GBF1: variants seen among roughly 807,000 people sequenced by gnomAD.
GBF1 encodes the protein Golgi-specific brefeldin A-resistance guanine nucleotide exchange factor 1.
GBF1 carries 114 observed loss-of-function variants against 210.5 expected under a neutral mutation model. The observed-to-expected ratio is 0.54, with a 90% CI of 0.47 to 0.63. GBF1 has a LOEUF of 0.63. Among genes scored for constraint, GBF1 ranks in the 30% least tolerant of loss-of-function variants. The pLI, the probability that GBF1 is intolerant of heterozygous loss-of-function variation, is 0.00. For missense variants in GBF1, 1,851 were observed against 2,357.7 expected, an observed-to-expected ratio of 0.79 and a Z score of 4.45; for synonymous variants, 850 against 889.2, an observed-to-expected ratio of 0.96 and a Z score of 0.78.
At chr10:102,358,337 C>G (rs2059407067) in intron 9 of GBF1, 151 bp downstream of exon 9, 2 of 845,410 alleles carry the variant, frequency 2.4e-6, no homozygotes, top group Non-Finnish European at 3.8e-6. Flanking sequence ...AGAGTGTGAC[C>G]ATTCAGCAAC....
chr10:102,290,799 C>T (rs2076371899), intron 3 of GBF1, among the ~76,000 whole-genome samples: 1 of 152,214 alleles, frequency 6.6e-6, no homozygotes, highest in Admixed American at 6.5e-5. Context: ...GCCACCACAC[C>T]CAGCCTGCTT....
Position 102,382,442 on chromosome 10 carries a change from C to T in GBF1, c.*106C>T, listed in dbSNP as rs1220456706. The T allele has an allele frequency of 1.9e-5, 18 of 948,988 alleles. No individual in the cohort carries two copies. The highest frequency in any genetic ancestry group is 2.7e-5 in the Non-Finnish European group (17 of 637,088). 58.8% of individuals were successfully genotyped at this position (948,988 alleles called of 1,614,324 possible). A position where few individuals can be genotyped will look rare whatever the true frequency, so the allele number is the denominator to read the frequency against. ...AGCTCTTCAGGCCAAGTCAGAGCTG[C>T]TGTTGCTGCCACTTGGATGGGGACC... On this transcript the variant is annotated 3_prime_UTR_variant, in exon 40 of 40. Coordinates refer to ENST00000369983, the MANE Select transcript of GBF1 (RefSeq NM_001377137.1).
Position 102,382,217 on chromosome 10 carries a change from GT to G in GBF1, c.5465del (p.Val1822GlyfsTer4). 1 of 1,613,850 alleles carries G rather than the reference GT, an allele frequency of 6.2e-7. No individual in the cohort carries two copies. Among genetic ancestry groups the G allele is most frequent in the Non-Finnish European group, 8.5e-7 (1 of 1,179,782 alleles). The part of the protein sequence containing the change: ...QPLASPLQVG[V>X]PPMTLPIILN... ...CTTGGCCTCCCCACTGCAGGTGGGC[GT>G]GCCACCTATGACTCTGCCCATCATC... On this transcript the variant is annotated frameshift_variant, in exon 40 of 40. Coordinates refer to ENST00000369983, the MANE Select transcript of GBF1 (RefSeq NM_001377137.1). LOFTEE classifies it high-confidence loss of function.
At chr10:102,368,531 C>A in intron 22 of GBF1, 77 bp downstream of exon 22, 1 of 933,484 alleles carries the variant, frequency 1.1e-6, no homozygotes, top group Non-Finnish European at 1.7e-6. Flanking sequence ...GCCTCTCTGA[C>A]TCCTACTGTT....
chr10:102,278,804 C>G (rs1055312565), intron 3 of GBF1, among the ~76,000 whole-genome samples: 3 of 152,110 alleles, frequency 2.0e-5, no homozygotes, highest in Non-Finnish European at 2.9e-5. Context: ...GTAATATATA[C>G]CACTACTGAT....
At position 102,297,889 on chromosome 10, in the gene GBF1, G is replaced by A. The variant is rs1016007600; in HGVS notation, c.163+37773G>A. On this transcript the variant is annotated intron_variant, in intron 3 of 39. Transcript: ENST00000369983. ...CAAATACCACTTTGAAATTGATGCA[G>A]GTACCTGGAATGAAAGAGTTGAAAC... 4.1e-4 allele frequency among the ~76,000 whole-genome samples: 63 copies of A among 152,052 alleles called. 1 individual carries two copies. The highest frequency in any genetic ancestry group is 1.5e-3 in the African/African-American group (62 of 41,404).
At position 102,379,947 on chromosome 10, in the gene GBF1, T is replaced by C. The variant is rs369050005; in HGVS notation, c.4871T>C (p.Leu1624Pro). Reference sequence around the variant, plus strand: ...ACCCGGATGAGGGCTTCCACATTGCTCTCTAAGGTACTGCTCACCACCCTA... The same window carrying C: ...ACCCGGATGAGGGCTTCCACATTGCCCTCTAAGGTACTGCTCACCACCCTA... ...EETRMRASTL[L>P]SKVFLQHLSP... Residue 1624 changes from leucine to proline, a missense_variant, in exon 36 of 40, where the codon CTC becomes CCC. Physicochemically the swap from Leu to Pro is moderately conservative, Grantham distance 98 (BLOSUM62 -3). This residue lies in a region of GBF1 where 967 missense variants were observed against 1,247.7 expected (regional missense o/e 0.78). Coordinates refer to ENST00000369983, the MANE Select transcript of GBF1 (RefSeq NM_001377137.1). The C allele has an allele frequency of 6.2e-7, 1 of 1,601,216 alleles. No individual in the cohort carries two copies. Among genetic ancestry groups the C allele is most frequent in the Non-Finnish European group, 8.6e-7 (1 of 1,169,244 alleles).
the GBF1 span, among the ~76,000 whole-genome samples, chr10:102,234,445 G>A: frequency 6.6e-6 from 1 of 152,216 alleles, no homozygotes; most frequent in Non-Finnish European, 1.5e-5. Flanking sequence ...AGAACTGGAG[G>A]TGTGCTCAGC....
intron 4 of GBF1, among the ~76,000 whole-genome samples, 173 bp downstream of exon 4, chr10:102,344,355 C>T (rs1268290318): frequency 2.0e-5 from 3 of 152,130 alleles, no homozygotes; most frequent in South Asian, 2.1e-4. Context: ...AGCTGACTCA[C>T]GTTGTACAGG....
rs1302527960 is a variant in GBF1, at chr10:102,381,198, A to G, written c.5245A>G (p.Thr1749Ala). Residue 1749 changes from threonine to alanine, a missense_variant, in exon 39 of 40, where the codon ACT becomes GCT. By Grantham distance (58) the Thr-to-Ala change is moderately conservative. Around this residue, in one of 3 missense-constraint regions of GBF1, gnomAD observed 967 missense variants for 1,247.7 expected, o/e 0.78. Transcript: ENST00000369983. ...SAHLTSAAGDTRTPGHPPPPE... is the reference protein window; with the variant it reads ...SAHLTSAAGDARTPGHPPPPE... ...CCACCTGACTTCCGCTGCTGGCGAC[A>G]CTAGGACACCTGGCCATCCACCGCC... 6.2e-7 allele frequency: 1 copy of G among 1,613,878 alleles called. No individual in the cohort carries two copies. The highest frequency in any genetic ancestry group is 1.3e-5 in the African/African-American group (1 of 74,922).
At chr10:102,232,154 C>A in the GBF1 span, 2 of 915,250 alleles carry the variant, frequency 2.2e-6, no homozygotes, top group South Asian at 1.4e-5. Context: ...TTAGCTAGGT[C>A]CCAGCAGCGT....
chr10:102,331,108 A>G (rs1055695251), intron 3 of GBF1, among the ~76,000 whole-genome samples: 1 of 152,116 alleles, frequency 6.6e-6, no homozygotes, highest in Non-Finnish European at 1.5e-5. Context: ...CCCTGAAAAA[A>G]TATATCCTCT....
Position 102,370,415 on chromosome 10 carries a change from CAT to C in GBF1, c.3446_3447del (p.Tyr1149Ter). 6.2e-7 allele frequency: 1 copy of C among 1,613,024 alleles called. No individual in the cohort carries two copies. The highest frequency in any genetic ancestry group is 8.5e-7 in the Non-Finnish European group (1 of 1,178,974). On this transcript the variant is annotated frameshift_variant, in exon 28 of 40. Coordinates refer to ENST00000369983, the MANE Select transcript of GBF1 (RefSeq NM_001377137.1). LOFTEE classifies it high-confidence loss of function. ...GTCTCAGTGACACCAGATGAAGAGACATATGATGAGGAAGATGCTGCTTTCTG... is the reference window on the plus strand; with the variant it reads ...GTCTCAGTGACACCAGATGAAGAGACATGATGAGGAAGATGCTGCTTTCTG...
intron 3 of GBF1, among the ~76,000 whole-genome samples, chr10:102,292,472 T>A (rs2076528113): frequency 6.6e-6 from 1 of 152,164 alleles, no homozygotes; most frequent in South Asian, 2.1e-4. Flanking sequence ...GTTCAAGCAA[T>A]TCTGCTTCAG....
intron 3 of GBF1, among the ~76,000 whole-genome samples, chr10:102,338,554 A>G (rs150421212): frequency 4.0e-4 from 61 of 151,986 alleles, no homozygotes; most frequent in African/African-American, 1.4e-3. Context: ...GATTTCAACT[A>G]TCTAATTTGA....
chr10:102,363,148 C>T lies in GBF1; in HGVS notation c.1877-108C>T. On this transcript the variant is annotated intron_variant, in intron 15 of 39. Transcript: ENST00000369983. This position sits in a 1 kb window ranked among gnomAD's most constrained non-coding sequence, Gnocchi z 4.2. ...GTTTGTCCTGCTCAGGGCTGGCGCC[C>T]TGTGCAGGAACCATGCAGGTCTTCT... 1 of 1,017,074 alleles carries T rather than the reference C, an allele frequency of 9.8e-7. No individual in the cohort carries two copies. Among genetic ancestry groups the T allele is most frequent in the South Asian group, 1.8e-5 (1 of 55,212 alleles). 63.0% of individuals were successfully genotyped at this position (1,017,074 alleles called of 1,614,324 possible). A position where few individuals can be genotyped will look rare whatever the true frequency, so the allele number is the denominator to read the frequency against.
At chr10:102,334,412 C>T (rs2057570116) in intron 3 of GBF1, among the ~76,000 whole-genome samples, 1 of 152,198 alleles carries the variant, frequency 6.6e-6, no homozygotes, top group Non-Finnish European at 1.5e-5. Context: ...GAGAACACAG[C>T]CTCCTGGGAG....
At chr10:102,302,986 CT>C (rs1210930617) in intron 3 of GBF1, among the ~76,000 whole-genome samples, 404 of 125,008 alleles carry the variant, frequency 3.2e-3, no homozygotes, top group Middle Eastern at 8.8e-3. Flanking sequence ...CCATTTTAAG[CT>C]TTTTTTTTTT....
intron 3 of GBF1, among the ~76,000 whole-genome samples, chr10:102,288,945 A>G (rs2076214496): frequency 1.3e-5 from 2 of 152,048 alleles, no homozygotes; most frequent in Admixed American, 1.3e-4. Context: ...AACTGAAAAT[A>G]CAAAAAAATT....
Sources: allele counts gnomAD v4.1 joint callset (sites outside exome capture counted in the v4.1 genomes callset), GRCh38; gene constraint gnomAD v4.1.1; regional missense constraint gnomAD v4.1.1; non-coding constraint Gnocchi (gnomAD v3.1); transcripts MANE v1.5; gene names NCBI Gene and HGNC (gene_info 2026-07-23, HGNC 2026-07-21).